The following NRXN3 variants were observed in gnomAD, a reference collection of about 807,000 sequenced individuals.
NRXN3 encodes the protein neurexin III.
A neutral mutation model predicts 137.6 loss-of-function variants in NRXN3; 32 were observed. The ratio of observed to expected loss-of-function variants is 0.23; its 90% CI spans 0.18 to 0.31. The LOEUF is 0.31. Among genes scored for constraint, NRXN3 ranks in the 10% least tolerant of loss-of-function variants. The pLI, the probability that NRXN3 is intolerant of heterozygous loss-of-function variation, is 1.00. For synonymous variants in NRXN3, 798 were observed against 784.5 expected (o/e 1.02, Z -0.29); for missense variants, 1,574 against 2,062.5 (o/e 0.76, Z 4.59).
chr14:79,643,323 C>T (rs566757394), intron 16 of NRXN3, among the ~76,000 whole-genome samples: 1 of 135,966 alleles, frequency 7.4e-6, no homozygotes, highest in East Asian at 2.0e-4. Flanking sequence ...ATTTGCTTAT[C>T]ACCTTCCACA....
intron 19 of NRXN3, among the ~76,000 whole-genome samples, chr14:79,735,461 T>C (rs193234620): frequency 1.9e-4 from 29 of 152,328 alleles, no homozygotes; most frequent in African/African-American, 6.7e-4. Context: ...GGGGTTGACA[T>C]TAGCTTGAAC....
chr14:79,133,025 C>G (rs1358607756), intron 15 of NRXN3, among the ~76,000 whole-genome samples: 3 of 152,198 alleles, frequency 2.0e-5, no homozygotes, highest in Non-Finnish European at 4.4e-5. Context: ...TGAGGCCAAC[C>G]CTGAAGGCGC....
At chr14:79,781,647 C>T (rs759249771) in intron 19 of NRXN3, among the ~76,000 whole-genome samples, 1 of 152,182 alleles carries the variant, frequency 6.6e-6, no homozygotes, top group East Asian at 1.9e-4. Flanking sequence ...CGGTGAAGTT[C>T]AGTAAGGTCT....
intron 19 of NRXN3, among the ~76,000 whole-genome samples, chr14:79,715,925 C>T (rs760237277): frequency 2.0e-5 from 3 of 152,204 alleles, no homozygotes; most frequent in Non-Finnish European, 4.4e-5. Flanking sequence ...TACTGTATCG[C>T]GTTCCTCTGG....
chr14:78,778,750 CCTTCTTTCTCTTTCT>C (rs2098755376), intron 8 of NRXN3, among the ~76,000 whole-genome samples: 1 of 109,292 alleles, frequency 9.1e-6, no homozygotes, highest in African/African-American at 3.8e-5. Flanking sequence ...TTCTTTCTTT[CCTTCTTTCTCTTTCT>C]TTCTTTCTTT....
At chr14:78,337,838 G>C (rs1351712466) in intron 4 of NRXN3, among the ~76,000 whole-genome samples, 1 of 152,136 alleles carries the variant, frequency 6.6e-6, no homozygotes, top group Non-Finnish European at 1.5e-5. Flanking sequence ...GAGATGAACA[G>C]ATGAATCTGG....
chr14:78,994,347 G>C (rs2099525430), intron 15 of NRXN3, among the ~76,000 whole-genome samples: 1 of 151,974 alleles, frequency 6.6e-6, no homozygotes, highest in Non-Finnish European at 1.5e-5. Flanking sequence ...TTTTTGCCCT[G>C]CTTTGTTTGG....
chr14:78,788,519 A>C (rs985803267), intron 8 of NRXN3, among the ~76,000 whole-genome samples: 2 of 152,088 alleles, frequency 1.3e-5, no homozygotes, highest in Non-Finnish European at 2.9e-5. Flanking sequence ...AAAGGATGAG[A>C]ATGAGATCTG....
intron 16 of NRXN3, among the ~76,000 whole-genome samples, chr14:79,624,522 T>G (rs2098260365): frequency 6.6e-6 from 1 of 152,108 alleles, no homozygotes; most frequent in African/African-American, 2.4e-5. Context: ...TTACCTTTGT[T>G]GTCATAACGG....
intron 15 of NRXN3, among the ~76,000 whole-genome samples, chr14:79,004,845 G>C (rs1333711447): frequency 6.6e-6 from 1 of 152,056 alleles, no homozygotes; most frequent in Non-Finnish European, 1.5e-5. Context: ...TTCTTTTAAG[G>C]TCACGTATTT....
chr14:79,775,273 A>G (rs2099093143), intron 19 of NRXN3, among the ~76,000 whole-genome samples: 1 of 152,104 alleles, frequency 6.6e-6, no homozygotes, highest in Non-Finnish European at 1.5e-5. Context: ...TAATGTTTAT[A>G]TATTTTGGCA....
intron 19 of NRXN3, among the ~76,000 whole-genome samples, chr14:79,738,726 T>G (rs1010973607): frequency 3.9e-5 from 6 of 151,974 alleles, no homozygotes; most frequent in Non-Finnish European, 5.9e-5. Flanking sequence ...GCCCAGCTAA[T>G]TTTTGTATTT....
intron 15 of NRXN3, among the ~76,000 whole-genome samples, chr14:79,033,353 T>C (rs991631717): frequency 3.9e-5 from 6 of 152,268 alleles, no homozygotes; most frequent in Non-Finnish European, 8.8e-5. Context: ...GCACAGTACC[T>C]GGTTCATTCT....
chr14:78,817,126 G>A (rs1054084697), intron 10 of NRXN3, among the ~76,000 whole-genome samples: 1 of 152,196 alleles, frequency 6.6e-6, no homozygotes, highest in Non-Finnish European at 1.5e-5. Context: ...TCTCAGCACA[G>A]ACAGGCATTT....
intron 15 of NRXN3, among the ~76,000 whole-genome samples, chr14:79,080,039 G>A (rs867055674): frequency 1.3e-5 from 2 of 152,090 alleles, no homozygotes; most frequent in East Asian, 3.9e-4. Context: ...AGCTGTTAGT[G>A]TATTAAGAGT....
intron 19 of NRXN3, among the ~76,000 whole-genome samples, chr14:79,743,376 A>G (rs2098969149): frequency 1.3e-5 from 2 of 152,288 alleles, no homozygotes; most frequent in African/African-American, 4.8e-5. Flanking sequence ...GGAACTGTCT[A>G]AAATTTCACT....
chr14:78,920,301 C>T (rs557635693), intron 10 of NRXN3, among the ~76,000 whole-genome samples: 2 of 152,110 alleles, frequency 1.3e-5, no homozygotes, highest in African/African-American at 2.4e-5. Flanking sequence ...TCACCTTGAT[C>T]GAAGCAAGTC....
In NRXN3 at chr14:78,736,241, T is replaced by G. The variant is rs187341163; in HGVS notation, c.2044+21102T>G. Among the ~76,000 whole-genome samples the G allele has an allele frequency of 3.0e-3, 461 of 152,308 alleles. 1 individual carries two copies. Among genetic ancestry groups the G allele is most frequent in the Non-Finnish European group, 4.4e-3 (296 of 68,020 alleles). ...ATCCTGCTCCACCTTTCGCTTAGCG[T>G]GGCCATCCTGGAGTTCAAGATGTAG... On this transcript the variant is annotated intron_variant, in intron 8 of 20. Coordinates refer to ENST00000335750, the MANE Select transcript of NRXN3 (RefSeq NM_001330195.2).
At chr14:79,766,161 A>C (rs957950746) in intron 19 of NRXN3, among the ~76,000 whole-genome samples, 28 of 152,262 alleles carry the variant, frequency 1.8e-4, no homozygotes, top group Admixed American at 4.6e-4. Flanking sequence ...CAAATATCCT[A>C]ATATAACTTC....
Sources: gnomAD v4.1 joint callset for allele counts (sites outside exome capture counted in the v4.1 genomes callset) on GRCh38, gnomAD v4.1.1 for gene constraint, MANE v1.5 for transcripts, NCBI Gene and HGNC (gene_info 2026-07-23, HGNC 2026-07-21) for gene names.